Variants in TRPM3 observed in about 807,000 individuals in gnomAD.
TRPM3 encodes transient receptor potential cation channel subfamily M member 3.
In TRPM3, 77 loss-of-function variants were observed where a neutral mutation model predicts 181.2. The observed-to-expected ratio is 0.42, with a 90% CI of 0.35 to 0.51. TRPM3 has a LOEUF of 0.51. Ranked by LOEUF, TRPM3 falls within the 20% of genes least tolerant of loss-of-function variation. TRPM3 has a pLI of 0.01. For missense variants in TRPM3, 1,759 were observed against 2,196.7 expected (o/e 0.80, Z 3.98); for synonymous variants, 745 against 796.4 (o/e 0.94, Z 1.09).
chr9:71,123,930 T>C (rs1359911879), upstream of TRPM3, among the ~76,000 whole-genome samples: 1 of 152,204 alleles, frequency 6.6e-6, no homozygotes, highest in East Asian at 1.9e-4. Context: ...GACAGCATCA[T>C]TCTGAAAACA....
chr9:70,888,955 T>C (rs1212541923), intron 1 of TRPM3, among the ~76,000 whole-genome samples: 1 of 152,180 alleles, frequency 6.6e-6, no homozygotes, highest in Non-Finnish European at 1.5e-5. Context: ...GACACCAGTA[T>C]GGAGAAGGAA....
chr9:70,834,573 T>C (rs2094176038), intron 5 of TRPM3, among the ~76,000 whole-genome samples: 2 of 152,234 alleles, frequency 1.3e-5, no homozygotes, highest in South Asian at 4.1e-4. Flanking sequence ...AGTGTGTGGC[T>C]TCCAAAACTG....
intron 9 of TRPM3, among the ~76,000 whole-genome samples, chr9:70,645,866 A>G (rs1286921293): frequency 6.6e-6 from 1 of 152,200 alleles, no homozygotes; most frequent in Non-Finnish European, 1.5e-5. Flanking sequence ...ATCTATAAGG[A>G]ACTTAAACAA....
At chr9:70,602,106 CTTTTTTTT>C (rs6151027) in intron 20 of TRPM3, among the ~76,000 whole-genome samples, 1 of 128,204 alleles carries the variant, frequency 7.8e-6, no homozygotes, top group Non-Finnish European at 1.6e-5. Context: ...CAAGGCATTC[CTTTTTTTT>C]TTTTTTTTTT....
At chr9:70,779,484 G>A (rs1309165131) in intron 7 of TRPM3, among the ~76,000 whole-genome samples, 2 of 152,206 alleles carry the variant, frequency 1.3e-5, no homozygotes, top group East Asian at 1.9e-4. Context: ...TTTTTTATGG[G>A]TGAAGTACTT....
rs2069652883 is a variant in TRPM3, at chr9:70,694,556, C to T, written c.1273-12978G>A. 2.6e-5 allele frequency among the ~76,000 whole-genome samples: 4 copies of T among 152,200 alleles called. No homozygotes were observed. In the South Asian group the frequency reaches 8.3e-4, roughly 32 times the overall value. On this transcript the variant is annotated intron_variant, in intron 8 of 25. Coordinates refer to ENST00000677713, the MANE Select transcript of TRPM3 (RefSeq NM_001366145.2). Reference sequence around the variant, plus strand: ...AGCACAGTGGCGCGATCTCGGCTCACTGCAAGCTCCGCCTCCTGGGTTCAC... The same window carrying T: ...AGCACAGTGGCGCGATCTCGGCTCATTGCAAGCTCCGCCTCCTGGGTTCAC...
chr9:70,796,544 G>A (rs2087079560), intron 6 of TRPM3, among the ~76,000 whole-genome samples: 1 of 152,176 alleles, frequency 6.6e-6, no homozygotes, highest in African/African-American at 2.4e-5. Flanking sequence ...CATTCTCATT[G>A]TGTGTTCTCA....
chr9:70,949,145 A>G (rs2096968007), intron 1 of TRPM3, among the ~76,000 whole-genome samples: 1 of 152,148 alleles, frequency 6.6e-6, no homozygotes, highest in African/African-American at 2.4e-5. Flanking sequence ...TACTGGGGTG[A>G]GGGAGGCAGT....
rs892232144 is a variant in TRPM3, at chr9:71,202,440, C to G, written c.183+244213G>C. On this transcript the variant is annotated intron_variant, in intron 1 of 24. Coordinates refer to the TRPM3 transcript ENST00000357533. ...GTCTCTAAGTTGGGCCTTTCTGTAC[C>G]CCTCATGAGAGGCCTTGGTCACTAA... Among the ~76,000 whole-genome samples, 8 of 152,216 alleles carry G rather than the reference C, an allele frequency of 5.3e-5. No homozygotes were observed. In the East Asian group the frequency reaches 1.5e-3, roughly 29 times the overall value.
chr9:71,354,336 G>T (rs142681968), intron 1 of TRPM3, among the ~76,000 whole-genome samples: 16 of 152,148 alleles, frequency 1.1e-4, no homozygotes, highest in Admixed American at 9.8e-4. Context: ...TCTATTTTGT[G>T]ACTTGGCAGA....
chr9:71,278,770 T>C (rs1181710226), intron 1 of TRPM3, among the ~76,000 whole-genome samples: 1 of 152,082 alleles, frequency 6.6e-6, no homozygotes, highest in Non-Finnish European at 1.5e-5. Flanking sequence ...AACCTGGACA[T>C]GTATATGACA....
At chr9:71,279,820 G>C (rs1321695990) in intron 1 of TRPM3, among the ~76,000 whole-genome samples, 1 of 152,178 alleles carries the variant, frequency 6.6e-6, no homozygotes, top group East Asian at 1.9e-4. Context: ...GCTCATGCCT[G>C]TAATCCCAGC....
Position 70,610,921 on chromosome 9 carries a change from T to C in TRPM3, c.2527-172A>G, listed in dbSNP as rs542643074. Reference sequence around the variant, plus strand: ...GTGCATTTGCACTACACGTATAATCTGTGAATACCCTTTGCCTGAGATGGA... The same window carrying C: ...GTGCATTTGCACTACACGTATAATCCGTGAATACCCTTTGCCTGAGATGGA... On this transcript the variant is annotated intron_variant, in intron 18 of 25. Coordinates refer to ENST00000677713, the MANE Select transcript of TRPM3 (RefSeq NM_001366145.2). Among the ~76,000 whole-genome samples, 4 of 152,326 alleles carry C rather than the reference T, an allele frequency of 2.6e-5. No homozygotes were observed. In the East Asian group the frequency reaches 7.7e-4, roughly 29 times the overall value.
intron 1 of TRPM3, among the ~76,000 whole-genome samples, chr9:71,294,253 A>G (rs2086067479): frequency 6.6e-6 from 1 of 152,052 alleles, no homozygotes; most frequent in Non-Finnish European, 1.5e-5. Context: ...CTGCACCTAG[A>G]ATATGTAAAA....
chr9:70,853,637 C>T (rs998737636), intron 3 of TRPM3, among the ~76,000 whole-genome samples: 1 of 152,174 alleles, frequency 6.6e-6, no homozygotes, highest in Non-Finnish European at 1.5e-5. Context: ...AATTACCTAA[C>T]CTCTTTTGAC....
chr9:70,976,511 G>A (rs1188247152), intron 1 of TRPM3, among the ~76,000 whole-genome samples: 2 of 152,172 alleles, frequency 1.3e-5, no homozygotes, highest in Non-Finnish European at 2.9e-5. Context: ...CTTAAAGTGT[G>A]GGCCCCAGCC....
chr9:70,855,898 T>A (rs1435053094), intron 3 of TRPM3, among the ~76,000 whole-genome samples: 2 of 152,190 alleles, frequency 1.3e-5, no homozygotes, highest in African/African-American at 4.8e-5. Flanking sequence ...AGAAAATATT[T>A]AGAATCACAT....
intron 9 of TRPM3, among the ~76,000 whole-genome samples, chr9:70,669,334 T>G (rs552166169): frequency 6.6e-6 from 1 of 152,358 alleles, no homozygotes; most frequent in East Asian, 1.9e-4. Flanking sequence ...CTTCTAGGAA[T>G]GTCCTAAGAC....
chr9:71,326,577 T>C (rs947104316), intron 1 of TRPM3, among the ~76,000 whole-genome samples: 22 of 152,360 alleles, frequency 1.4e-4, no homozygotes, highest in African/African-American at 5.3e-4. Flanking sequence ...CTGGTACTTC[T>C]CAAGCACAAG....
Sources: allele counts gnomAD v4.1 joint callset (sites outside exome capture counted in the v4.1 genomes callset), GRCh38; gene constraint gnomAD v4.1.1; transcripts MANE v1.5; gene names NCBI Gene and HGNC (gene_info 2026-07-23, HGNC 2026-07-21).